The following LIPH variants were observed in gnomAD, a reference collection of about 807,000 sequenced individuals.
LIPH encodes the protein lipase H.
In LIPH, 32 loss-of-function variants were observed where a neutral mutation model predicts 47.6. The observed-to-expected ratio is 0.67, with a 90% CI of 0.51 to 0.90. The LOEUF (loss-of-function observed/expected upper bound fraction) is 0.90, where lower values mean the gene tolerates loss of function less well. LIPH is among the 40% of genes least tolerant of loss of function. LIPH has a pLI of 0.00. For missense variants in LIPH, 497 were observed against 541.4 expected, an observed-to-expected ratio of 0.92 and a Z score of 0.81; for synonymous variants, 190 against 195.6, an observed-to-expected ratio of 0.97 and a Z score of 0.24.
chr3:185,534,436 C>T (rs1474697782), intron 2 of LIPH, among the ~76,000 whole-genome samples: 1 of 151,984 alleles, frequency 6.6e-6, no homozygotes, highest in Non-Finnish European at 1.5e-5. Flanking sequence ...CTGTAAGACA[C>T]CTTTATTGTG....
rs74666847 is a variant in LIPH, at chr3:185,509,899, G to A, written c.1269-1022C>T. Among the ~76,000 whole-genome samples, 360 of 149,752 alleles carry A rather than the reference G, an allele frequency of 2.4e-3. 1 individual carries two copies. Among genetic ancestry groups the A allele is most frequent in the African/African-American group, 8.3e-3 (341 of 40,846 alleles). On this transcript the variant is annotated intron_variant, in intron 9 of 9. Transcript: ENST00000296252. ...ATGACTATCCTCTTAGGAGAAACTT[G>A]TACTATTAAATGTTTTAAGGTACCC... is the stretch of plus-strand genomic sequence containing the variant.
intron 4 of LIPH, 151 bp from the exon 5 acceptor site, chr3:185,524,311 G>A (rs1719997629): frequency 3.1e-6 from 2 of 646,642 alleles, no homozygotes; most frequent in Middle Eastern, 4.1e-4. Flanking sequence ...AAGTCACCCA[G>A]CTAGTTAGTT....
Position 185,552,489 on chromosome 3 carries a change from C to A in LIPH, c.-18G>T. ...CTCAACATATGGAAACTGGAGAGAT[C>A]GTGTGTCACATTCACAAGAATGATT... On this transcript the variant is annotated 5_prime_UTR_variant, in exon 1 of 10. Transcript: ENST00000296252. The A allele has an allele frequency of 6.4e-7, 1 of 1,565,384 alleles. No individual in the cohort carries two copies. Among genetic ancestry groups the A allele is most frequent in the Non-Finnish European group, 8.8e-7 (1 of 1,135,732 alleles).
At chr3:185,514,367 A>G (rs747157412) in intron 8 of LIPH, 43 bp downstream of exon 8, 4 of 854,594 alleles carry the variant, frequency 4.7e-6, no homozygotes, top group Non-Finnish European at 8.2e-6. Flanking sequence ...TCTCTGAGCA[A>G]AAAGGGAAAT....
At chr3:185,517,184 T>C (rs555323974) in intron 6 of LIPH, 22 bp from the exon 7 acceptor site, 1 of 1,302,230 alleles carries the variant, frequency 7.7e-7, no homozygotes, top group East Asian at 2.3e-5. Flanking sequence ...GTTTAAAAAA[T>C]TGTAAGATTA....
At chr3:185,551,090 C>T (rs1024916523) in intron 1 of LIPH, among the ~76,000 whole-genome samples, 37 of 152,156 alleles carry the variant, frequency 2.4e-4, no homozygotes, top group East Asian at 3.9e-4. Flanking sequence ...AGGAGAATCG[C>T]GTGAACCAGG....
intron 7 of LIPH, 23 bp from the exon 8 acceptor site, chr3:185,514,544 G>T: frequency 1.1e-6 from 1 of 901,902 alleles, no homozygotes; most frequent in South Asian, 1.3e-5. Flanking sequence ...GAGAGAACAC[G>T]GTAAGAGAGA....
In LIPH at chr3:185,516,073, G is replaced by A. The variant is rs372100435; in HGVS notation, c.982+994C>T. ...TGCTTGAGTCCAGGAGGTTGAGGCT[G>A]CAGTGCCCCATTATTGTGCCACTGC... On this transcript the variant is annotated intron_variant, in intron 7 of 9. Coordinates refer to ENST00000296252, the MANE Select transcript of LIPH (RefSeq NM_139248.3). Among the ~76,000 whole-genome samples, 36 of 152,246 alleles carry A rather than the reference G, an allele frequency of 2.4e-4. No homozygotes were observed. In the East Asian group the frequency reaches 5.6e-3, roughly 24 times the overall value.
chr3:185,529,194 A>G (rs1204144199), intron 3 of LIPH, among the ~76,000 whole-genome samples: 6 of 137,850 alleles, frequency 4.4e-5, no homozygotes, highest in Non-Finnish European at 9.3e-5. Context: ...AAAAAAAAAG[A>G]AAAAAAGAAA....
intron 3 of LIPH, among the ~76,000 whole-genome samples, chr3:185,531,375 C>T (rs1720325621): frequency 6.6e-6 from 1 of 151,664 alleles, no homozygotes; most frequent in Non-Finnish European, 1.5e-5. Context: ...GGCGAAACTC[C>T]ATCTCTAGAA....
At chr3:185,552,333 C>T (rs74286273) in intron 1 of LIPH, 90 bp downstream of exon 1, 47,515 of 892,414 alleles carry the variant, frequency 0.053, 2,679 homozygotes, top group East Asian at 0.26. Context: ...TTAAGTTCAC[C>T]GAAGGAAGTG....
At position 185,533,571 on chromosome 3, in the gene LIPH, C is replaced by T. The variant is rs1320917299; in HGVS notation, c.526G>A (p.Gly176Ser). 1.2e-5 allele frequency: 19 copies of T among 1,605,298 alleles called. No individual in the cohort carries two copies. The highest frequency in any genetic ancestry group is 1.6e-5 in the Non-Finnish European group (19 of 1,171,942). The change falls in exon 3 of 10, where the codon GGC becomes AGC. Residue 176 changes from glycine (G) to serine (S), a missense_variant and splice_region_variant. Gly to Ser is a moderately conservative substitution (Grantham distance 56). Coordinates refer to ENST00000296252, the MANE Select transcript of LIPH (RefSeq NM_139248.3). Reference protein sequence around the residue: ...MYDGWLGRITGLDPAGPLFNG... With the variant: ...MYDGWLGRITSLDPAGPLFNG... ...CCCATGCCCATTCACAGGCACTTAC[C>T]TGTAATTCTCCCCAGCCATCCATCG...
intron 8 of LIPH, among the ~76,000 whole-genome samples, chr3:185,513,338 CA>C (rs56090966): frequency 0.46 from 50,991 of 109,666 alleles, 8,993 homozygotes; most frequent in Middle Eastern, 0.58. Flanking sequence ...GGCTCTGTCT[CA>C]AAAAAAAAAA....
In LIPH at chr3:185,516,822, C is replaced by T. The variant is rs376388397; in HGVS notation, c.982+245G>A. Among the ~76,000 whole-genome samples, 22 of 152,260 alleles carry T rather than the reference C, an allele frequency of 1.4e-4. 1 individual carries two copies. The highest frequency in any genetic ancestry group is 4.6e-4 in the African/African-American group (19 of 41,560). ...TGGCATCAGATTAAACCTAATATCC[C>T]AGAATACAGGCATTATTACCCCCAT... On this transcript the variant is annotated intron_variant, in intron 7 of 9. Coordinates refer to ENST00000296252, the MANE Select transcript of LIPH (RefSeq NM_139248.3).
At chr3:185,519,374 T>C in intron 5 of LIPH, 65 bp from the exon 6 acceptor site, 1 of 942,502 alleles carries the variant, frequency 1.1e-6, no homozygotes, top group Non-Finnish European at 1.8e-6. Flanking sequence ...CTATATCACA[T>C]ATTCTATACA....
chr3:185,528,751 A>G (rs185924848), intron 3 of LIPH, among the ~76,000 whole-genome samples: 8 of 152,270 alleles, frequency 5.3e-5, no homozygotes, highest in Non-Finnish European at 8.8e-5. Context: ...TAAATGCCTA[A>G]ACCGGTTTCT....
chr3:185,547,533 G>T (rs1720913526), intron 1 of LIPH, among the ~76,000 whole-genome samples: 1 of 152,166 alleles, frequency 6.6e-6, no homozygotes, highest in South Asian at 2.1e-4. Flanking sequence ...TTTACTGAAG[G>T]CAGGGCACGG....
At chr3:185,525,499 C>G (rs1364263475) in intron 4 of LIPH, among the ~76,000 whole-genome samples, 1 of 151,972 alleles carries the variant, frequency 6.6e-6, no homozygotes, top group East Asian at 1.9e-4. Context: ...GATATGGGAC[C>G]AGGCATGGTG....
chr3:185,547,615 A>ACCAGCCTGG (rs896008687), intron 1 of LIPH, among the ~76,000 whole-genome samples: 5 of 151,922 alleles, frequency 3.3e-5, no homozygotes, highest in African/African-American at 9.7e-5. Flanking sequence ...GGAGTTTGAG[A>ACCAGCCTGG]CCAGCCTGGC....
Sources: allele counts gnomAD v4.1 joint callset (sites outside exome capture counted in the v4.1 genomes callset), GRCh38; gene constraint gnomAD v4.1.1; transcripts MANE v1.5; gene names NCBI Gene and HGNC (gene_info 2026-07-23, HGNC 2026-07-21).